Variants in CEACAM8 observed in about 807,000 individuals in gnomAD.
CEACAM8 encodes CEA cell adhesion molecule 8, also known as cell adhesion molecule CEACAM8.
A neutral mutation model predicts 33.4 loss-of-function variants in CEACAM8; 31 were observed. That is an observed-to-expected ratio of 0.93 (90% confidence interval 0.70 to 1.25). CEACAM8 has a LOEUF of 1.25. Ranked by LOEUF, CEACAM8 falls within the 50% of genes most tolerant of loss-of-function variation. CEACAM8 has a pLI of 0.00. For missense variants in CEACAM8, 388 were observed against 434.6 expected (o/e 0.89, Z 0.95); for synonymous variants, 138 against 164.5 (o/e 0.84, Z 1.23).
intron 2 of CEACAM8, among the ~76,000 whole-genome samples, chr19:42,591,051 A>G (rs2042429757): frequency 6.6e-6 from 1 of 152,254 alleles, no homozygotes; most frequent in South Asian, 2.1e-4. Context: ...TAGTGGCCAA[A>G]AAATGTGGAA....
At chr19:42,583,567 C>A (rs1025011299) in intron 4 of CEACAM8, among the ~76,000 whole-genome samples, 2 of 152,202 alleles carry the variant, frequency 1.3e-5, no homozygotes, top group Non-Finnish European at 2.9e-5. Flanking sequence ...TTCATCCTGG[C>A]ATTTCTTTAC....
At chr19:42,591,404 G>T (rs112511731) in intron 2 of CEACAM8, among the ~76,000 whole-genome samples, 27 of 152,304 alleles carry the variant, frequency 1.8e-4, no homozygotes, top group African/African-American at 6.3e-4. Context: ...GGACAGAACC[G>T]GTCAGAGAGG....
intron 4 of CEACAM8, among the ~76,000 whole-genome samples, chr19:42,583,549 C>T (rs987475777): frequency 3.3e-5 from 5 of 152,206 alleles, no homozygotes; most frequent in East Asian, 1.9e-4. Context: ...GATCAGTCTT[C>T]GGTCAATTTC....
chr19:42,587,529 G>T (rs1237286204), intron 4 of CEACAM8, among the ~76,000 whole-genome samples: 3 of 152,222 alleles, frequency 2.0e-5, no homozygotes, highest in Non-Finnish European at 4.4e-5. Context: ...TTTATATAAG[G>T]TTGTTAGAAT....
intron 2 of CEACAM8, 141 bp downstream of exon 2, chr19:42,593,400 A>G (rs1205306915): frequency 1.9e-6 from 2 of 1,055,132 alleles, no homozygotes; most frequent in Non-Finnish European, 2.7e-6. Context: ...GTCTCCCCTG[A>G]GTGTGTCCTG....
In CEACAM8 at chr19:42,593,668, C is replaced by G; in HGVS notation, c.297G>C (p.Glu99Asp). 1 of 1,614,070 alleles carries G rather than the reference C, an allele frequency of 6.2e-7. No homozygotes were observed. Among genetic ancestry groups the G allele is most frequent in the Non-Finnish European group, 8.5e-7 (1 of 1,179,988 alleles). Residue 99 changes from glutamate to aspartate, a missense_variant, in exon 2 of 6, where the codon GAG (glutamate) becomes GAC (aspartate). Transcript: ENST00000244336. ...GCAGGGATGCATTGGGGTATATTGTCTCTCGATTGCTGTATGCAGGCCCTG... is the reference window on the plus strand; with the variant it reads ...GCAGGGATGCATTGGGGTATATTGTGTCTCGATTGCTGTATGCAGGCCCTG... Reference protein sequence around the residue: ...ITPGPAYSNRETIYPNASLLM... With the variant: ...ITPGPAYSNRDTIYPNASLLM...
In CEACAM8 at chr19:42,590,550, AG is replaced by A. The variant is rs368464928; in HGVS notation, c.425-816del. Among the ~76,000 whole-genome samples the A allele has an allele frequency of 1.8e-4, 28 of 152,152 alleles. No individual in the cohort carries two copies. In the East Asian group the frequency reaches 4.4e-3, roughly 24 times the overall value. ...TGCAAACTGACGGGTGGGGAGGGGGAGCCTGAAGTGCTGGAAATTTGGCCCT... is the reference window on the plus strand; with the variant it reads ...TGCAAACTGACGGGTGGGGAGGGGGACCTGAAGTGCTGGAAATTTGGCCCT... On this transcript the variant is annotated intron_variant, in intron 2 of 5. Transcript: ENST00000244336.
intron 5 of CEACAM8, among the ~76,000 whole-genome samples, chr19:42,582,206 C>A (rs1399174712): frequency 6.6e-6 from 1 of 151,306 alleles, no homozygotes; most frequent in Non-Finnish European, 1.5e-5. Context: ...GGGTCCCACT[C>A]CAGATAGTAG....
At chr19:42,581,638 T>C (rs1049945987) in intron 5 of CEACAM8, among the ~76,000 whole-genome samples, 3 of 151,912 alleles carry the variant, frequency 2.0e-5, no homozygotes, top group African/African-American at 7.3e-5. Context: ...ATGCCTGTAA[T>C]CCCAGCACTT....
intron 5 of CEACAM8, among the ~76,000 whole-genome samples, chr19:42,582,213 G>A (rs560897897): frequency 6.6e-6 from 1 of 151,902 alleles, no homozygotes; most frequent in South Asian, 2.1e-4. Context: ...ACTCCAGATA[G>A]TAGGTAAGAA....
At position 42,589,541 on chromosome 19, in the gene CEACAM8, T is replaced by C; in HGVS notation, c.619A>G (p.Arg207Gly). The C allele has an allele frequency of 6.2e-7, 1 of 1,614,202 alleles. No homozygotes were observed. The highest frequency in any genetic ancestry group is 1.1e-5 in the South Asian group (1 of 91,086). The stretch of plus-strand genomic sequence containing the variant: ...CATTCATAGGGTCCTACGTCATTCC[T>C]TGTGACACTGAGTAGAGTGAGGGTC... ...NRTLTLLSVTRNDVGPYECEI... is the reference protein window; with the variant it reads ...NRTLTLLSVTGNDVGPYECEI... Residue 207 changes from arginine (R) to glycine (G), a missense_variant, in exon 3 of 6, where the codon AGG becomes GGG. Transcript: ENST00000244336.
At chr19:42,589,111 A>G in intron 3 of CEACAM8, 73 bp from the exon 4 acceptor site, 2 of 1,537,718 alleles carry the variant, frequency 1.3e-6, no homozygotes, top group Non-Finnish European at 1.8e-6. Context: ...TGGAAGAGCC[A>G]CAGTGTCCCT....
In CEACAM8 at chr19:42,594,908, G is replaced by T; in HGVS notation, c.-80C>A. The T allele has an allele frequency of 2.0e-6, 3 of 1,476,374 alleles. No homozygotes were observed. Among genetic ancestry groups the T allele is most frequent in the Admixed American group, 3.9e-5 (2 of 51,276 alleles). 91.5% of individuals were successfully genotyped at this position (1,476,374 alleles called of 1,614,324 possible). A position where few individuals can be genotyped will look rare whatever the true frequency, so the allele number is the denominator to read the frequency against. ...CTTTCTGAGCACGGCTGTCAGCTGTGCTGTCCTTCCTCCTTTTGTGCTGAG... is the reference window on the plus strand; with the variant it reads ...CTTTCTGAGCACGGCTGTCAGCTGTTCTGTCCTTCCTCCTTTTGTGCTGAG... On this transcript the variant is annotated 5_prime_UTR_variant, in exon 1 of 6. Coordinates refer to ENST00000244336, the MANE Select transcript of CEACAM8 (RefSeq NM_001816.4).
At chr19:42,594,620 C>A in intron 1 of CEACAM8, 145 bp downstream of exon 1, 1 of 612,994 alleles carries the variant, frequency 1.6e-6, no homozygotes, top group Non-Finnish European at 2.9e-6. Context: ...CTGTTGTGAC[C>A]CCTTCCCCTC....
intron 4 of CEACAM8, among the ~76,000 whole-genome samples, chr19:42,584,396 CTT>C (rs1038330447): frequency 2.0e-4 from 30 of 152,186 alleles, no homozygotes; most frequent in African/African-American, 7.0e-4. Context: ...CAATAACTCT[CTT>C]GGGTAGAACA....
chr19:42,594,683 C>T, intron 1 of CEACAM8, 82 bp downstream of exon 1: 1 of 1,135,838 alleles, frequency 8.8e-7, no homozygotes, highest in Non-Finnish European at 1.3e-6. Context: ...TGTCCCCTCT[C>T]AGAGCCCCGT....
At chr19:42,594,729 C>T in intron 1 of CEACAM8, 36 bp downstream of exon 1, 1 of 1,559,352 alleles carries the variant, frequency 6.4e-7, no homozygotes, top group Non-Finnish European at 8.8e-7. Flanking sequence ...ACTGTGTTTC[C>T]TCCTCCTGTC....
At position 42,594,832 on chromosome 19, in the gene CEACAM8, C is replaced by G. The variant is rs1340580777; in HGVS notation, c.-4G>C. On this transcript the variant is annotated 5_prime_UTR_variant, in exon 1 of 6. Coordinates refer to ENST00000244336, the MANE Select transcript of CEACAM8 (RefSeq NM_001816.4). ...AAGGGGCTGAGATGGGCCCCATGGT[C>G]TCTGCTGCCTGCGTGTTCTCCTCTG... 7 of 1,608,856 alleles carry G rather than the reference C, an allele frequency of 4.4e-6. No individual in the cohort carries two copies. The highest frequency in any genetic ancestry group is 5.9e-6 in the Non-Finnish European group (7 of 1,176,952).
Position 42,583,296 on chromosome 19 carries a change from C to T in CEACAM8, c.1000G>A (p.Ala334Thr). 6.2e-7 allele frequency: 1 copy of T among 1,613,696 alleles called. No homozygotes were observed. The highest frequency in any genetic ancestry group is 8.5e-7 in the Non-Finnish European group (1 of 1,179,640). ...ACTCCAATCATGATGCTGACAGTGG[C>T]TCTAGCTGAGAGGCCAGGAGAACTT... ...QGSSPGLSAR[A>T]TVSIMIGVLA... Residue 334 changes from alanine (A) to threonine (T), a missense_variant, in exon 5 of 6, where the codon GCC becomes ACC. Physicochemically the swap from Ala to Thr is moderately conservative, Grantham distance 58. Transcript: ENST00000244336.
Sources: allele counts gnomAD v4.1 joint callset (sites outside exome capture counted in the v4.1 genomes callset), GRCh38; gene constraint gnomAD v4.1.1; transcripts MANE v1.5; gene names NCBI Gene and HGNC (gene_info 2026-07-23, HGNC 2026-07-21).